Variants in CIB4 observed in about 807,000 individuals in gnomAD.
The protein encoded by CIB4 is calcium and integrin-binding family member 4.
A neutral mutation model predicts 25.8 loss-of-function variants in CIB4; 25 were observed. That is an observed-to-expected ratio of 0.97 (90% CI 0.71 to 1.35). The LOEUF (loss-of-function observed/expected upper bound fraction) is 1.35, where lower values mean the gene tolerates loss of function less well. Among genes scored for constraint, CIB4 ranks in the 40% most tolerant of loss-of-function variants. CIB4 has a pLI of 0.00. For synonymous variants in CIB4, 75 were observed against 81.4 expected (o/e 0.92, Z 0.42); for missense variants, 235 against 228.2 (o/e 1.03, Z -0.19).
At position 26,581,299 on chromosome 2, in the gene CIB4, G is replaced by A; in HGVS notation, c.*64C>T. ...ATACTTCAAACCAGCTCCCTCCAGT[G>A]CTGGAGGGGGTTCGATTCCTGTGGT... On this transcript the variant is annotated 3_prime_UTR_variant, in exon 7 of 7. Transcript: ENST00000288861. 7.2e-7 allele frequency: 1 copy of A among 1,383,420 alleles called. No individual in the cohort carries two copies. The highest frequency in any genetic ancestry group is 1.0e-6 in the Non-Finnish European group (1 of 969,858). The allele number at this position is 1,383,420 out of a possible 1,614,324, so 85.7% of individuals were successfully genotyped here.
At chr2:26,608,917 A>G (rs923537066) in intron 3 of CIB4, among the ~76,000 whole-genome samples, 1 of 151,330 alleles carries the variant, frequency 6.6e-6, no homozygotes, top group African/African-American at 2.4e-5. Context: ...GGTCACTTCC[A>G]CCTGAGATGA....
chr2:26,621,327 G>A (rs114394220), intron 3 of CIB4, among the ~76,000 whole-genome samples: 1,838 of 149,630 alleles, frequency 0.012, 45 homozygotes, highest in African/African-American at 0.043. Context: ...CAATAACAAC[G>A]GTGAAAGCTA....
chr2:26,582,574 C>T (rs1668368257), intron 6 of CIB4, among the ~76,000 whole-genome samples: 1 of 152,192 alleles, frequency 6.6e-6, no homozygotes, highest in Non-Finnish European at 1.5e-5. Flanking sequence ...AGGGAATGCT[C>T]TGAGGTTGGA....
At chr2:26,628,021 A>T (rs1669341545) in intron 3 of CIB4, among the ~76,000 whole-genome samples, 1 of 152,184 alleles carries the variant, frequency 6.6e-6, no homozygotes, top group Admixed American at 6.5e-5. Context: ...AGTTCGTTCC[A>T]AACAGAAACG....
intron 3 of CIB4, among the ~76,000 whole-genome samples, chr2:26,625,455 C>A (rs560562362): frequency 2.0e-5 from 3 of 151,108 alleles, no homozygotes; most frequent in Admixed American, 6.6e-5. Context: ...TGGGTTCAAG[C>A]GATTCTCCTG....
chr2:26,611,379 C>A (rs1273632843), intron 3 of CIB4, among the ~76,000 whole-genome samples: 1 of 152,190 alleles, frequency 6.6e-6, no homozygotes, highest in Non-Finnish European at 1.5e-5. Context: ...TGCGAAGAGA[C>A]CTTTATGGAG....
chr2:26,617,703 G>A (rs116691713), intron 3 of CIB4, among the ~76,000 whole-genome samples: 1,756 of 152,274 alleles, frequency 0.012, 42 homozygotes, highest in African/African-American at 0.04. Flanking sequence ...GATTATCACC[G>A]GGTCCAGCTG....
intron 4 of CIB4, among the ~76,000 whole-genome samples, chr2:26,594,624 C>T (rs74654641): frequency 0.021 from 3,171 of 152,248 alleles, 124 homozygotes; most frequent in African/African-American, 0.072. Flanking sequence ...TGAGAATTCC[C>T]TTGCATCCCA....
chr2:26,622,547 C>T (rs1429320462), intron 3 of CIB4, among the ~76,000 whole-genome samples: 1 of 151,966 alleles, frequency 6.6e-6, no homozygotes, highest in Non-Finnish European at 1.5e-5. Flanking sequence ...AGGGGTAATA[C>T]AAGGTGCTCT....
In CIB4 at chr2:26,601,745, A is replaced by G. The variant is rs573624788; in HGVS notation, c.187-6428T>C. 2.6e-5 allele frequency among the ~76,000 whole-genome samples: 4 copies of G among 152,338 alleles called. No individual in the cohort carries two copies. In the South Asian group the frequency reaches 6.2e-4, roughly 24 times the overall value. On this transcript the variant is annotated intron_variant, in intron 3 of 6. Coordinates refer to ENST00000288861, the MANE Select transcript of CIB4 (RefSeq NM_001029881.3). ...GAAAAGGCAAGCCATAATAATCACT[A>G]GGTACTTCCACAGGTGAATGGATAA...
At chr2:26,624,432 T>C (rs1669261291) in intron 3 of CIB4, among the ~76,000 whole-genome samples, 1 of 152,202 alleles carries the variant, frequency 6.6e-6, no homozygotes, top group Non-Finnish European at 1.5e-5. Context: ...GTCCTCGCTC[T>C]AGGTCTCCAA....
intron 2 of CIB4, among the ~76,000 whole-genome samples, chr2:26,639,321 TTTCTCTTC>T (rs1669592555): frequency 6.6e-6 from 1 of 152,006 alleles, no homozygotes; most frequent in South Asian, 2.1e-4. Context: ...ACATTAGATA[TTTCTCTTC>T]ATGCTATCCC....
intron 3 of CIB4, among the ~76,000 whole-genome samples, chr2:26,624,233 G>A (rs796461650): frequency 3.9e-4 from 60 of 152,272 alleles, no homozygotes; most frequent in African/African-American, 1.3e-3. Context: ...AGCTCCCTGG[G>A]GCCCAGTTCT....
At chr2:26,605,687 C>A in intron 3 of CIB4, 1 of 349,242 alleles carries the variant, frequency 2.9e-6, no homozygotes, top group Non-Finnish European at 5.9e-6. Context: ...CAAGTGAGCA[C>A]CTACTGTGTG....
At chr2:26,632,466 C>G (rs77739016) in intron 2 of CIB4, among the ~76,000 whole-genome samples, 2,984 of 152,050 alleles carry the variant, frequency 0.02, 106 homozygotes, top group African/African-American at 0.068. Context: ...CTACAAGGGG[C>G]GAGGGGTAGG....
At chr2:26,609,841 C>T in intron 3 of CIB4, among the ~76,000 whole-genome samples, 1 of 152,186 alleles carries the variant, frequency 6.6e-6, no homozygotes, top group Admixed American at 6.5e-5. Context: ...AAAACACAAA[C>T]AAAGTTCCGA....
chr2:26,612,818 A>G (rs1021625493), intron 3 of CIB4, among the ~76,000 whole-genome samples: 1 of 152,188 alleles, frequency 6.6e-6, no homozygotes, highest in Non-Finnish European at 1.5e-5. Flanking sequence ...TTTACAGAGT[A>G]TGGGACAAGG....
intron 6 of CIB4, 47 bp downstream of exon 6, chr2:26,582,777 GC>G (rs775424318): frequency 8.2e-7 from 1 of 1,217,996 alleles, no homozygotes; most frequent in South Asian, 1.2e-5. Context: ...GGCCCTTCCT[GC>G]CCCCACCACT....
At chr2:26,632,992 A>G (rs551938196) in intron 2 of CIB4, among the ~76,000 whole-genome samples, 1 of 152,264 alleles carries the variant, frequency 6.6e-6, no homozygotes, top group East Asian at 1.9e-4. Context: ...CACGGGCACC[A>G]CCGGGAGTGC....
Sources: allele counts gnomAD v4.1 joint callset (sites outside exome capture counted in the v4.1 genomes callset), GRCh38; gene constraint gnomAD v4.1.1; transcripts MANE v1.5; gene names NCBI Gene and HGNC (gene_info 2026-07-23, HGNC 2026-07-21).